The following IL21R variants were observed in gnomAD, a reference collection of about 807,000 sequenced individuals.
The protein encoded by IL21R is interleukin 21 receptor, also known as interleukin-21 receptor.
A neutral mutation model predicts 41.3 loss-of-function variants in IL21R; 14 were observed. That is an observed-to-expected ratio of 0.34 (90% CI 0.22 to 0.53). The LOEUF is 0.53. Ranked by LOEUF, IL21R falls within the 20% of genes least tolerant of loss-of-function variation. The probability of loss-of-function intolerance (pLI) is 0.94; values close to 1 mark genes in which losing one functional copy is unlikely to be tolerated. For synonymous variants in IL21R, 286 were observed against 287.6 expected, an observed-to-expected ratio of 0.99 and a Z score of 0.05; for missense variants, 588 against 681.6, an observed-to-expected ratio of 0.86 and a Z score of 1.53.
chr16:27,435,129 C>T (rs2087245528), intron 3 of IL21R, among the ~76,000 whole-genome samples: 1 of 152,072 alleles, frequency 6.6e-6, no homozygotes, highest in Non-Finnish European at 1.5e-5. Flanking sequence ...CGTGGTGGCA[C>T]AATCCTGTAA....
At position 27,446,042 on chromosome 16, in the gene IL21R, A is replaced by G. The variant is rs1298708354; in HGVS notation, c.821A>G (p.Glu274Gly). 1.9e-6 allele frequency: 3 copies of G among 1,613,568 alleles called. No individual in the cohort carries two copies. Among genetic ancestry groups the G allele is most frequent in the Non-Finnish European group, 1.7e-6 (2 of 1,179,762 alleles). The change falls in exon 8 of 9, where the codon GAG becomes GGG. Residue 274 changes from glutamate to glycine, a missense_variant. By Grantham distance (98) the Glu-to-Gly change is moderately conservative. Coordinates refer to ENST00000337929, the MANE Select transcript of IL21R (RefSeq NM_181078.3). ...WKKIWAVPSP[E>G]RFFMPLYKGC... ...AAGATATGGGCCGTCCCCAGCCCTG[A>G]GCGGTTCTTCATGCCCCTGTACAAG...
At chr16:27,430,366 TTG>T (rs1370024939) in intron 2 of IL21R, among the ~76,000 whole-genome samples, 1 of 152,226 alleles carries the variant, frequency 6.6e-6, no homozygotes, top group Non-Finnish European at 1.5e-5. Context: ...GCCCACAGGC[TTG>T]TGTCTTCGGG....
chr16:27,435,527 C>T (rs2087254342), intron 3 of IL21R, among the ~76,000 whole-genome samples: 1 of 151,832 alleles, frequency 6.6e-6, no homozygotes, highest in African/African-American at 2.4e-5. Flanking sequence ...GATCAGAACT[C>T]ACTGTAGCCT....
chr16:27,442,847 T>G (rs1426555769), intron 4 of IL21R, 115 bp from the exon 5 acceptor site: 21 of 904,178 alleles, frequency 2.3e-5, no homozygotes, highest in Non-Finnish European at 3.2e-5. Flanking sequence ...TCATCCATGA[T>G]GGGTCAGGCA....
chr16:27,449,267 G>A lies in IL21R; in HGVS notation c.1601G>A (p.Gly534Glu). 1 of 1,602,678 alleles carries A rather than the reference G, an allele frequency of 6.2e-7. No individual in the cohort carries two copies. The highest frequency in any genetic ancestry group is 1.1e-5 in the South Asian group (1 of 89,392). Residue 534 changes from glycine to glutamate, a missense_variant, in exon 9 of 9, where the codon GGA becomes GAA. Coordinates refer to ENST00000337929, the MANE Select transcript of IL21R (RefSeq NM_181078.3). ...VVIPPPLSSPGPQAS is the reference protein window; with the variant it reads ...VVIPPPLSSPEPQAS Reference sequence around the variant, plus strand: ...ATTCCTCCGCCACTTTCGAGCCCTGGACCCCAGGCCAGCTAATGAGGCTGA... The same window carrying A: ...ATTCCTCCGCCACTTTCGAGCCCTGAACCCCAGGCCAGCTAATGAGGCTGA...
rs373722098 is a variant in IL21R at position 27,437,560 on chromosome 16, G to A, written c.225G>A (p.Thr75=). The change falls in exon 4 of 9, where the codon ACG becomes ACA. Residue 75 remains threonine, a synonymous_variant. Coordinates refer to ENST00000337929, the MANE Select transcript of IL21R (RefSeq NM_181078.3). ...TCCACAGGTCGGCCCACAATGCCACGCATGCCACCTACACCTGCCACATGG... is the reference window on the plus strand; with the variant it reads ...TCCACAGGTCGGCCCACAATGCCACACATGCCACCTACACCTGCCACATGG... ...CSLHRSAHNA[T]HATYTCHMDV... is the part of the protein sequence containing the mutation. 1.6e-5 allele frequency: 26 copies of A among 1,614,040 alleles called. No homozygotes were observed. The highest frequency in any genetic ancestry group is 5.5e-5 in the South Asian group (5 of 91,092).
At chr16:27,412,070 GT>G (rs1462776034) in intron 1 of IL21R, among the ~76,000 whole-genome samples, 1 of 152,120 alleles carries the variant, frequency 6.6e-6, no homozygotes, top group Non-Finnish European at 1.5e-5. Flanking sequence ...ATAGTTTCAG[GT>G]CTTATGTTTG....
intron 2 of IL21R, 71 bp downstream of exon 2, chr16:27,430,191 C>G: frequency 1.5e-6 from 2 of 1,369,506 alleles, no homozygotes; most frequent in Admixed American, 3.8e-5. Flanking sequence ...GCCGGGCTGG[C>G]TTTCTGGGCT....
Position 27,448,575 on chromosome 16 carries a change from G to C in IL21R, c.909G>C (p.Leu303=). Reference sequence around the variant, plus strand: ...CCTTCACTGGCTCCAGCCTGGAGCTGGGACCCTGGAGCCCAGAGGTGCCCT... The same window carrying C: ...CCTTCACTGGCTCCAGCCTGGAGCTCGGACCCTGGAGCCCAGAGGTGCCCT... The part of the protein sequence containing the change: ...GAPFTGSSLE[L]GPWSPEVPST... Residue 303 remains leucine, a synonymous_variant, in exon 9 of 9, where the codon CTG becomes CTC. Coordinates refer to ENST00000337929, the MANE Select transcript of IL21R (RefSeq NM_181078.3). The C allele has an allele frequency of 6.2e-7, 1 of 1,611,866 alleles. No individual in the cohort carries two copies. The highest frequency in any genetic ancestry group is 2.2e-5 in the East Asian group (1 of 44,874).
At chr16:27,412,603 A>G (rs576519500) in intron 1 of IL21R, among the ~76,000 whole-genome samples, 2 of 152,100 alleles carry the variant, frequency 1.3e-5, no homozygotes, top group Non-Finnish European at 2.9e-5. Flanking sequence ...TAACAATATT[A>G]AGTCTTCCAA....
At chr16:27,420,180 G>A (rs963093617) in intron 1 of IL21R, among the ~76,000 whole-genome samples, 8 of 152,156 alleles carry the variant, frequency 5.3e-5, no homozygotes, top group African/African-American at 1.9e-4. Context: ...GTGAGCCACC[G>A]CACCTAGCCC....
At chr16:27,409,098 G>C (rs760885066) in intron 1 of IL21R, among the ~76,000 whole-genome samples, 8 of 151,606 alleles carry the variant, frequency 5.3e-5, no homozygotes, top group African/African-American at 1.7e-4. Flanking sequence ...ATATTGAGTA[G>C]AGACAGAGAG....
chr16:27,417,147 CTTTCTT>C (rs1255331893), intron 1 of IL21R, among the ~76,000 whole-genome samples: 34 of 142,188 alleles, frequency 2.4e-4, no homozygotes, highest in South Asian at 1.8e-3. Flanking sequence ...TTTCCTTTTT[CTTTCTT>C]TTTTCTTTTC....
chr16:27,442,508 C>A (rs562071867), intron 4 of IL21R, among the ~76,000 whole-genome samples: 205 of 152,174 alleles, frequency 1.3e-3, no homozygotes, highest in African/African-American at 4.5e-3. Context: ...GGACTACAGG[C>A]GCCCGCCACC....
chr16:27,440,981 G>A (rs1169309745), intron 4 of IL21R, among the ~76,000 whole-genome samples: 1 of 150,340 alleles, frequency 6.7e-6, no homozygotes, highest in Non-Finnish European at 1.5e-5. Context: ...GGCTTGGGAG[G>A]TGGAGACTGC....
Position 27,430,120 on chromosome 16 carries a change from G to A in IL21R, c.49G>A (p.Gly17Ser). ...APLLLLLLQG[G>S]WGCPDLVCYT... ...CTTGCTCCTGCTGCTGCTCCAGGGA[G>A]GTAAGTGGCTGCCCCGTGGTCTGCG... Residue 17 changes from glycine (G) to serine (S), a missense_variant and splice_region_variant, in exon 2 of 9, where the codon GGC (glycine) becomes AGC (serine). Coordinates refer to ENST00000337929, the MANE Select transcript of IL21R (RefSeq NM_181078.3). The A allele has an allele frequency of 1.2e-6, 2 of 1,603,604 alleles. No homozygotes were observed. Among genetic ancestry groups the A allele is most frequent in the Non-Finnish European group, 1.7e-6 (2 of 1,179,708 alleles).
At position 27,449,034 on chromosome 16, in the gene IL21R, G is replaced by A. The variant is rs1262336531; in HGVS notation, c.1368G>A (p.Gly456=). ...LDRLKPPLAD[G]EDWAGGLPWG... Reference sequence around the variant, plus strand: ...GACTAAAGCCACCCCTTGCAGATGGGGAGGACTGGGCTGGGGGACTGCCCT... The same window carrying A: ...GACTAAAGCCACCCCTTGCAGATGGAGAGGACTGGGCTGGGGGACTGCCCT... The change falls in exon 9 of 9, where the codon GGG becomes GGA. Residue 456 remains glycine (G), a synonymous_variant. Coordinates refer to ENST00000337929, the MANE Select transcript of IL21R (RefSeq NM_181078.3). 4.3e-6 allele frequency: 7 copies of A among 1,612,142 alleles called. No individual in the cohort carries two copies. Among genetic ancestry groups the A allele is most frequent in the African/African-American group, 1.3e-5 (1 of 74,944 alleles).
At chr16:27,406,423 G>A (rs179771) in intron 1 of IL21R, among the ~76,000 whole-genome samples, 1 of 151,056 alleles carries the variant, frequency 6.6e-6, no homozygotes, top group Non-Finnish European at 1.5e-5. Context: ...GCGGGTGCTG[G>A]GACTGGGACC....
chr16:27,419,433 A>T (rs2086962837), intron 1 of IL21R, among the ~76,000 whole-genome samples: 1 of 152,128 alleles, frequency 6.6e-6, no homozygotes, highest in African/African-American at 2.4e-5. Flanking sequence ...ACAAGTTAAC[A>T]TTTTTTGTTT....
Sources: gnomAD v4.1 joint callset for allele counts (sites outside exome capture counted in the v4.1 genomes callset) on GRCh38, gnomAD v4.1.1 for gene constraint, MANE v1.5 for transcripts, NCBI Gene and HGNC (gene_info 2026-07-23, HGNC 2026-07-21) for gene names.